Variants in DLGAP2 observed in about 807,000 individuals in gnomAD.
The protein encoded by DLGAP2 is disks large-associated protein 2.
Under a neutral mutation model 100.3 loss-of-function variants are expected in DLGAP2, and 26 were observed. That is an observed-to-expected ratio of 0.26 (90% confidence interval 0.19 to 0.36). DLGAP2 has a LOEUF of 0.36. DLGAP2 is among the 10% of genes least tolerant of loss of function. The pLI is 1.00. For synonymous variants in DLGAP2, 886 were observed against 630.1 expected (o/e 1.41, Z -6.08); for missense variants, 1,858 against 1,453.2 (o/e 1.28, Z -4.53).
intron 4 of DLGAP2, among the ~76,000 whole-genome samples, chr8:1,536,482 G>A (rs1351919783): frequency 6.6e-6 from 1 of 152,146 alleles, no homozygotes; most frequent in Non-Finnish European, 1.5e-5. Flanking sequence ...TCAAGTGAAC[G>A]AAAAGATCTT....
chr8:1,596,926 T>C (rs537898798), intron 6 of DLGAP2, among the ~76,000 whole-genome samples: 1 of 152,254 alleles, frequency 6.6e-6, no homozygotes, highest in East Asian at 1.9e-4. Context: ...GTTTTAGTCA[T>C]GAAGTCTTTA....
chr8:1,062,188 A>C (rs6651452), intron 2 of DLGAP2, among the ~76,000 whole-genome samples: 10 of 152,272 alleles, frequency 6.6e-5, no homozygotes, highest in African/African-American at 2.2e-4. Flanking sequence ...TGCACCAAGC[A>C]GCCCCCACAT....
chr8:1,003,078 AC>A (rs1000992842), intron 2 of DLGAP2: 4 of 152,140 alleles, frequency 2.6e-5, no homozygotes, highest in African/African-American at 9.7e-5. Context: ...GCCACTGTCT[AC>A]CCCCTGCTCC....
At chr8:1,008,818 C>G (rs1445678726) in intron 2 of DLGAP2, among the ~76,000 whole-genome samples, 2 of 152,224 alleles carry the variant, frequency 1.3e-5, no homozygotes, top group African/African-American at 2.4e-5. Flanking sequence ...TGCATGGGAA[C>G]TGGGAGAGGG....
intron 2 of DLGAP2, chr8:1,246,694 G>T (rs1036446651): frequency 6.6e-6 from 1 of 152,298 alleles, no homozygotes; most frequent in Non-Finnish European, 1.5e-5. Flanking sequence ...AGGACTCCTG[G>T]AGGTTGAGCA....
At chr8:1,656,969 A>G (rs185165617) in intron 8 of DLGAP2, among the ~76,000 whole-genome samples, 1 of 152,146 alleles carries the variant, frequency 6.6e-6, no homozygotes, top group African/African-American at 2.4e-5. Context: ...GTTTTCATCT[A>G]TTTCCCTGTA....
At chr8:961,005 T>G (rs529627966) in intron 2 of DLGAP2, among the ~76,000 whole-genome samples, 2 of 150,992 alleles carry the variant, frequency 1.3e-5, no homozygotes, top group Non-Finnish European at 3.0e-5. Context: ...TCATCAATTT[T>G]CTAATTTGGA....
intron 2 of DLGAP2, among the ~76,000 whole-genome samples, chr8:1,119,589 G>A (rs73526529): frequency 0.014 from 2,143 of 152,342 alleles, 58 homozygotes; most frequent in African/African-American, 0.049. Context: ...TCTGGGTGCC[G>A]TGCCTGGAAC....
At chr8:1,560,245 A>G (rs1232050030) in intron 5 of DLGAP2, among the ~76,000 whole-genome samples, 1 of 152,150 alleles carries the variant, frequency 6.6e-6, no homozygotes, top group Non-Finnish European at 1.5e-5. Context: ...AAGACATAAA[A>G]ATGTCAAGTG....
intron 8 of DLGAP2, among the ~76,000 whole-genome samples, chr8:1,644,457 C>T (rs910201779): frequency 2.0e-5 from 3 of 152,222 alleles, no homozygotes; most frequent in African/African-American, 4.8e-5. Context: ...TGCTGCTCGT[C>T]GGCCCGCAGT....
chr8:1,088,394 T>G (rs1378321419), intron 2 of DLGAP2, among the ~76,000 whole-genome samples: 1 of 152,098 alleles, frequency 6.6e-6, no homozygotes, highest in East Asian at 1.9e-4. Flanking sequence ...GCTTTTCTCC[T>G]CCTCATCTGC....
intron 2 of DLGAP2, among the ~76,000 whole-genome samples, chr8:1,028,819 C>G (rs1801892434): frequency 6.6e-6 from 1 of 152,204 alleles, no homozygotes; most frequent in African/African-American, 2.4e-5. Context: ...GTTGCATTTT[C>G]AGAAGCTCCC....
chr8:803,064 T>G (rs939471859), intron 1 of DLGAP2, among the ~76,000 whole-genome samples: 1 of 152,232 alleles, frequency 6.6e-6, no homozygotes, highest in African/African-American at 2.4e-5. Flanking sequence ...AGGTAACAGC[T>G]GCCATGACGG....
rs74740868 is a variant in DLGAP2 at position 1,614,858 on chromosome 8, C to T, written c.1443-11882C>T. On this transcript the variant is annotated intron_variant, in intron 6 of 14. Transcript: ENST00000637795. ...TGCATTGCACGTGCACACACGTGCA[C>T]ACGCACACACACACACGCATGCCCT... 1.0e-3 allele frequency among the ~76,000 whole-genome samples: 153 copies of T among 152,268 alleles called. 1 individual carries two copies. The highest frequency in any genetic ancestry group is 3.4e-3 in the African/African-American group (142 of 41,540).
In DLGAP2 at chr8:1,258,892, C is replaced by T; in HGVS notation, c.106+9C>T. The T allele has an allele frequency of 8.1e-7, 1 of 1,231,828 alleles. No homozygotes were observed. Among genetic ancestry groups the T allele is most frequent in the Non-Finnish European group, 1.0e-6 (1 of 988,034 alleles). 76.3% of individuals were successfully genotyped at this position (1,231,828 alleles called of 1,614,324 possible). A position where few individuals can be genotyped will look rare whatever the true frequency, so the allele number is the denominator to read the frequency against. On this transcript the variant is annotated intron_variant, in intron 3 of 14. Coordinates refer to ENST00000637795, the MANE Select transcript of DLGAP2 (RefSeq NM_001346810.2). ...CTGCGGGGAGCCGGAAGGTGAGTAC[C>T]TGACATGCTGCCTGGGGTGGGCGGG...
At chr8:1,231,382 G>C (rs1002395081) in intron 2 of DLGAP2, among the ~76,000 whole-genome samples, 9 of 152,182 alleles carry the variant, frequency 5.9e-5, no homozygotes, top group African/African-American at 1.9e-4. Context: ...CTTATATCCT[G>C]TTTGTGGGAA....
chr8:833,311 A>C (rs899425994), intron 1 of DLGAP2, among the ~76,000 whole-genome samples: 1 of 152,224 alleles, frequency 6.6e-6, no homozygotes, highest in Non-Finnish European at 1.5e-5. Context: ...TTCTTGGCTT[A>C]AACCATACAC....
intron 2 of DLGAP2, among the ~76,000 whole-genome samples, chr8:1,099,397 A>G (rs1157457145): frequency 6.6e-6 from 1 of 152,230 alleles, no homozygotes; most frequent in Non-Finnish European, 1.5e-5. Flanking sequence ...CTTTGCTCGC[A>G]AGTTTCATTC....
intron 4 of DLGAP2, among the ~76,000 whole-genome samples, chr8:1,504,780 T>C (rs545606574): frequency 1.3e-5 from 2 of 152,346 alleles, no homozygotes; most frequent in South Asian, 4.1e-4. Context: ...CCTCTGCTGA[T>C]GGGCTTGAGG....
Sources: allele counts gnomAD v4.1 joint callset (sites outside exome capture counted in the v4.1 genomes callset), GRCh38; gene constraint gnomAD v4.1.1; transcripts MANE v1.5; gene names NCBI Gene and HGNC (gene_info 2026-07-23, HGNC 2026-07-21).